Variants in TTN observed in about 807,000 individuals in gnomAD.
TTN encodes the protein titin, also known as connectin.
Under a neutral mutation model 3,223.0 loss-of-function variants are expected in TTN, and 1,525 were observed. That is an observed-to-expected ratio of 0.47 (90% CI 0.45 to 0.49). The LOEUF (loss-of-function observed/expected upper bound fraction) is 0.49, where lower values mean the gene tolerates loss of function less well. TTN is among the 20% of genes least tolerant of loss of function. The pLI, the probability that TTN is intolerant of heterozygous loss-of-function variation, is 0.00. For missense variants in TTN, 40,786 were observed against 43,424.0 expected (o/e 0.94, Z 5.40); for synonymous variants, 14,094 against 15,161.0 (o/e 0.93, Z 5.17).
At position 178,605,103 on chromosome 2, in the gene TTN, T is replaced by C; in HGVS notation, c.54074A>G (p.Glu18025Gly). Residue 18025 changes from glutamate to glycine, a missense_variant, in exon 280 of 363, where the codon GAG (glutamate) becomes GGG (glycine). Physicochemically the swap from Glu to Gly is moderately conservative, Grantham distance 98. Coordinates refer to ENST00000589042, the MANE Select transcript of TTN (RefSeq NM_001267550.2). ...QITKEEVSRSEAKTELSIPKA... is the reference protein window; with the variant it reads ...QITKEEVSRSGAKTELSIPKA... ...GGGAATGCTAAGCTCAGTTTTTGCC[T>C]CACTTCGGGATACCTCTTCCTTGGT... The C allele has an allele frequency of 6.2e-7, 1 of 1,612,796 alleles. No individual in the cohort carries two copies. The highest frequency in any genetic ancestry group is 8.5e-7 in the Non-Finnish European group (1 of 1,179,200).
Position 178,601,495 on chromosome 2 carries a change from T to TTCCATGAAAGTCTGCAACTAC in TTN, c.55481_55501dup (p.Trp18500_Lys18501insSerSerCysArgLeuSerTrp). 6.2e-7 allele frequency: 1 copy of TTCCATGAAAGTCTGCAACTAC among 1,613,080 alleles called. No homozygotes were observed. The highest frequency in any genetic ancestry group is 8.5e-7 in the Non-Finnish European group (1 of 1,179,320). On this transcript the variant is annotated inframe_insertion, in exon 287 of 363. Transcript: ENST00000589042. ...GTCTCCTCCATCGTCGTCTGGCATC[T>TTCCATGAAAGTCTGCAACTAC]TCCATGAAAGTCTGCAACTACCCCT...
At position 178,785,714 on chromosome 2, in the gene TTN, T is replaced by C. The variant is rs2093124562; in HGVS notation, c.2399A>G (p.Glu800Gly). 1 of 1,614,186 alleles carries C rather than the reference T, an allele frequency of 6.2e-7. No individual in the cohort carries two copies. The highest frequency in any genetic ancestry group is 8.5e-7 in the Non-Finnish European group (1 of 1,180,012). The change falls in exon 15 of 363, where the codon GAA (glutamate) becomes GGA (glycine). Residue 800 changes from glutamate to glycine, a missense_variant. Transcript: ENST00000589042. ...QIKKTTDLTT[E>G]RLVHVDKRPR... ...GCGTTTATCCACATGGACTAATCTT[T>C]CCGTTGTTAGATCTGTAGTTTTCTT... is the stretch of plus-strand genomic sequence containing the variant.
intron 46 of TTN, among the ~76,000 whole-genome samples, chr2:178,755,985 C>T (rs909683790): frequency 1.3e-5 from 2 of 152,096 alleles, no homozygotes; most frequent in African/African-American, 2.4e-5. Context: ...AGGAAATAAA[C>T]CTTTGCTTCC....
At position 178,537,211 on chromosome 2, in the gene TTN, T is replaced by C; in HGVS notation, c.99898A>G (p.Ile33300Val). 1.2e-6 allele frequency: 2 copies of C among 1,610,120 alleles called. No homozygotes were observed. The highest frequency in any genetic ancestry group is 1.1e-5 in the South Asian group (1 of 90,874). ...GCGGAGTTCTTCAATAGAGCTTCGA[T>C]CACAATTGGTCCTGTAGGTTTGTCT... ...KPDKPTGPIV[I>V]EALLKNSAVI... Residue 33300 changes from isoleucine to valine, a missense_variant, in exon 356 of 363, where the codon ATC becomes GTC. Transcript: ENST00000589042.
chr2:178,560,624 C>T lies in TTN; in HGVS notation c.85508G>A (p.Gly28503Glu), dbSNP rs1222429807. 6.2e-7 allele frequency: 1 copy of T among 1,613,532 alleles called. No homozygotes were observed. The highest frequency in any genetic ancestry group is 8.5e-7 in the Non-Finnish European group (1 of 1,179,778). Residue 28503 changes from glycine to glutamate, a missense_variant, in exon 326 of 363, where the codon GGA (glycine) becomes GAA (glutamate). Gly to Glu is a moderately conservative substitution (Grantham distance 98). Coordinates refer to ENST00000589042, the MANE Select transcript of TTN (RefSeq NM_001267550.2). ...TTTACAGGATGTCATCTGTAACTCT[C>T]CTTCACATATTGTCCATGCAAGGTG... Reference protein sequence around the residue: ...TSHLAWTICEGELQMTSCKVT... With the variant: ...TSHLAWTICEEELQMTSCKVT...
At chr2:178,700,821 G>C (rs968921255) in intron 111 of TTN, among the ~76,000 whole-genome samples, 1 of 147,610 alleles carries the variant, frequency 6.8e-6, no homozygotes, top group East Asian at 1.9e-4. Flanking sequence ...TATTCTTTTT[G>C]TTATACATAG....
At position 178,677,947 on chromosome 2, in the gene TTN, C is replaced by T. The variant is rs72650048; in HGVS notation, c.33995-30G>A. Reference sequence around the variant, plus strand: ...AAAGATATTTATTCAAGGGTACAAACATCACTTTTATGTAAAATATTCACA... The same window carrying T: ...AAAGATATTTATTCAAGGGTACAAATATCACTTTTATGTAAAATATTCACA... On this transcript the variant is annotated intron_variant, in intron 145 of 362. Coordinates refer to ENST00000589042, the MANE Select transcript of TTN (RefSeq NM_001267550.2). 8.7e-3 allele frequency: 13,627 copies of T among 1,570,848 alleles called. 112 individuals are homozygous for T. The highest frequency in any genetic ancestry group is 9.8e-3 in the Non-Finnish European group (11,451 of 1,165,642).
chr2:178,571,042 G>A lies in TTN; in HGVS notation c.75090C>T (p.Pro25030=). 1 of 1,612,404 alleles carries A rather than the reference G, an allele frequency of 6.2e-7. No individual in the cohort carries two copies. The highest frequency in any genetic ancestry group is 8.5e-7 in the Non-Finnish European group (1 of 1,178,738). ...TGATCTTGCTTCCACCGTCATAGGTGGGTTTCTTCCACTGAAGAGTCACAG... is the reference window on the plus strand; with the variant it reads ...TGATCTTGCTTCCACCGTCATAGGTAGGTTTCTTCCACTGAAGAGTCACAG... ...RNSVTLQWKK[P]TYDGGSKITG... The change falls in exon 326 of 363, where the codon CCC becomes CCT. Residue 25030 remains proline, a synonymous_variant. Coordinates refer to ENST00000589042, the MANE Select transcript of TTN (RefSeq NM_001267550.2).
In TTN at chr2:178,605,440, A is replaced by C. The variant is rs1419642739; in HGVS notation, c.53855T>G (p.Leu17952Arg). Residue 17952 changes from leucine (L) to arginine (R), a missense_variant, in exon 279 of 363, where the codon CTT (leucine) becomes CGT (arginine). Leu to Arg is a moderately radical substitution (Grantham distance 102). Transcript: ENST00000589042. ...TTCATCATCTTGTATGACTACATTAAGAGGTAGGGATGGTTCACTTTCACC... is the reference window on the plus strand; with the variant it reads ...TTCATCATCTTGTATGACTACATTACGAGGTAGGGATGGTTCACTTTCACC... ...EIGESEPSLP[L>R]NVVIQDDEVP... 1.2e-6 allele frequency: 2 copies of C among 1,606,498 alleles called. No homozygotes were observed. The highest frequency in any genetic ancestry group is 1.7e-6 in the Non-Finnish European group (2 of 1,175,554).
In TTN at chr2:178,677,775, A is replaced by G; in HGVS notation, c.34137T>C (p.Pro11379=). ...EVLPEEEEVL[P]EEEEVLPEEE... ...CTTCAGGTAGAACTTCCTCTTCTTC[A>G]GGTAGAACTTCCTCTTCCTCAGGTA... The change falls in exon 146 of 363, where the codon CCT becomes CCC. Residue 11379 remains proline (P), a synonymous_variant. Coordinates refer to ENST00000589042, the MANE Select transcript of TTN (RefSeq NM_001267550.2). 1 of 1,612,660 alleles carries G rather than the reference A, an allele frequency of 6.2e-7. No individual in the cohort carries two copies. The highest frequency in any genetic ancestry group is 1.7e-4 in the Middle Eastern group (1 of 6,060).
Position 178,609,424 on chromosome 2 carries a change from G to A in TTN, c.51886C>T (p.Arg17296Cys), listed in dbSNP as rs1028433729. 3.0e-5 allele frequency: 49 copies of A among 1,612,158 alleles called. No individual in the cohort carries two copies. The highest frequency in any genetic ancestry group is 4.1e-5 in the Non-Finnish European group (48 of 1,179,012). Residue 17296 changes from arginine to cysteine, a missense_variant, in exon 273 of 363, where the codon CGT becomes TGT. Physicochemically the swap from Arg to Cys is radical, Grantham distance 180. Transcript: ENST00000589042. ...NVIVPEEIKK[R>C]AAPLVRRRKG... is the part of the protein sequence containing the mutation. ...CTTCTCCTAACCAAGGGTGCTGCAC[G>A]CTTCTTAATTTCCTCTGGTACAATA...
At position 178,577,289 on chromosome 2, in the gene TTN, C is replaced by A. The variant is rs774004059; in HGVS notation, c.69046G>T (p.Gly23016Cys). Residue 23016 changes from glycine to cysteine, a missense_variant, in exon 324 of 363, where the codon GGT (glycine) becomes TGT (cysteine). By Grantham distance (159) the Gly-to-Cys change is radical (BLOSUM62 -3). Coordinates refer to ENST00000589042, the MANE Select transcript of TTN (RefSeq NM_001267550.2). ...TTGGTAGCAGTGATGGTATATTCACCCGCATCTTTTCTAGTGGCATACTTG... is the reference window on the plus strand; with the variant it reads ...TTGGTAGCAGTGATGGTATATTCACACGCATCTTTTCTAGTGGCATACTTG... ...TIKYATRKDA[G>C]EYTITATNPF... The A allele has an allele frequency of 2.5e-6, 4 of 1,612,756 alleles. No homozygotes were observed. Among genetic ancestry groups the A allele is most frequent in the East Asian group, 2.2e-5 (1 of 44,694 alleles).
chr2:178,612,533 T>C lies in TTN; in HGVS notation c.49992A>G (p.Thr16664=), dbSNP rs752928812. The C allele has an allele frequency of 1.2e-6, 2 of 1,611,722 alleles. No homozygotes were observed. Among genetic ancestry groups the C allele is most frequent in the Non-Finnish European group, 1.7e-6 (2 of 1,179,092 alleles). The change falls in exon 266 of 363, where the codon ACA becomes ACG. Residue 16664 remains threonine (T), a synonymous_variant. Transcript: ENST00000589042. ...TCCATTTTAGGTCTGCTGTATTTTT[T>C]GTGATATTAATAACTTCAAGCCAGC... ...PPRWLEVINI[T]KNTADLKWTV...
chr2:178,568,844 T>C lies in TTN; in HGVS notation c.77288A>G (p.Gln25763Arg). The C allele has an allele frequency of 6.2e-7, 1 of 1,612,962 alleles. No individual in the cohort carries two copies. Among genetic ancestry groups the C allele is most frequent in the Non-Finnish European group, 8.5e-7 (1 of 1,179,388 alleles). ...SLQAVITNLTQGEEYLFRVVA... is the reference protein window; with the variant it reads ...SLQAVITNLTRGEEYLFRVVA... Reference sequence around the variant, plus strand: ...AACTCTAAAAAGATATTCTTCCCCTTGAGTTAGGTTGGTAATTACTGCCTG... The same window carrying C: ...AACTCTAAAAAGATATTCTTCCCCTCGAGTTAGGTTGGTAATTACTGCCTG... Residue 25763 changes from glutamine to arginine, a missense_variant, in exon 326 of 363, where the codon CAA becomes CGA. By Grantham distance (43) the Gln-to-Arg change is conservative (BLOSUM62 1). Coordinates refer to ENST00000589042, the MANE Select transcript of TTN (RefSeq NM_001267550.2).
chr2:178,543,307 G>A lies in TTN; in HGVS notation c.96666C>T (p.Ala32222=), dbSNP rs770687347. The part of the protein sequence containing the change: ...VDVTKSTVTL[A]WEKPLYDGGS... ...CACCATCGTAGAGTGGTTTTTCCCA[G>A]GCAAGGGTAACAGTGGATTTGGTGA... The change falls in exon 347 of 363, where the codon GCC becomes GCT. Residue 32222 remains alanine, a synonymous_variant. Transcript: ENST00000589042. The A allele has an allele frequency of 1.9e-6, 3 of 1,613,770 alleles. No individual in the cohort carries two copies. Among genetic ancestry groups the A allele is most frequent in the Admixed American group, 1.7e-5 (1 of 59,998 alleles).
rs1708422337 is a variant in TTN, at chr2:178,572,103, T to C, written c.74029A>G (p.Thr24677Ala). 6.2e-7 allele frequency: 1 copy of C among 1,613,130 alleles called. No individual in the cohort carries two copies. The highest frequency in any genetic ancestry group is 8.5e-7 in the Non-Finnish European group (1 of 1,179,546). The change falls in exon 326 of 363, where the codon ACT becomes GCT. Residue 24677 changes from threonine to alanine, a missense_variant. Physicochemically the swap from Thr to Ala is moderately conservative, Grantham distance 58. Coordinates refer to ENST00000589042, the MANE Select transcript of TTN (RefSeq NM_001267550.2). The stretch of plus-strand genomic sequence containing the variant: ...TATTCTTCACCCTGAATTAATCCAG[T>C]GATAGTGGCTTCAGTGACCTTGACT... ...ATVKVTEATI[T>A]GLIQGEEYSF...
intron 331 of TTN, 45 bp from the exon 332 acceptor site, chr2:178,554,797 C>G (rs1342812910): frequency 6.2e-7 from 1 of 1,611,972 alleles, no homozygotes. Context: ...TTCTTTAAAG[C>G]CTACTTGTTC....
Position 178,565,156 on chromosome 2 carries a change from T to C in TTN, c.80976A>G (p.Ile26992Met), listed in dbSNP as rs754446799. 6.2e-7 allele frequency: 1 copy of C among 1,613,268 alleles called. No homozygotes were observed. Among genetic ancestry groups the C allele is most frequent in the Non-Finnish European group, 8.5e-7 (1 of 1,179,572 alleles). ...FDEVSADFVVISWEPPAYTGG... is the reference protein window; with the variant it reads ...FDEVSADFVVMSWEPPAYTGG... The stretch of plus-strand genomic sequence containing the variant: ...CAGTATAGGCTGGAGGTTCCCAAGA[T>C]ATGACTACAAAGTCTGCACTAACTT... Residue 26992 changes from isoleucine to methionine, a missense_variant, in exon 326 of 363, where the codon ATA becomes ATG. Physicochemically the swap from Ile to Met is conservative, Grantham distance 10. Coordinates refer to ENST00000589042, the MANE Select transcript of TTN (RefSeq NM_001267550.2).
rs879188386 is a variant in TTN, at chr2:178,739,982, C to T, written c.13251G>A (p.Glu4417=). 2 of 1,613,882 alleles carry T rather than the reference C, an allele frequency of 1.2e-6. No individual in the cohort carries two copies. Among genetic ancestry groups the T allele is most frequent in the Non-Finnish European group, 1.7e-6 (2 of 1,179,824 alleles). ...CCACCTTTTCAATATTTCTTAGCCA[C>T]TCAGAGAAAAGACCTGGCTGCTCGC... is the stretch of plus-strand genomic sequence containing the variant. ...VASEQPGLFS[E]WLRNIEKVEV... Residue 4417 remains glutamate, a synonymous_variant, in exon 48 of 363, where the codon GAG becomes GAA. Coordinates refer to ENST00000589042, the MANE Select transcript of TTN (RefSeq NM_001267550.2).
Sources: allele counts gnomAD v4.1 joint callset (sites outside exome capture counted in the v4.1 genomes callset), GRCh38; gene constraint gnomAD v4.1.1; transcripts MANE v1.5; gene names NCBI Gene and HGNC (gene_info 2026-07-23, HGNC 2026-07-21).